The following CYP4F12 variants were observed in gnomAD, a reference collection of about 807,000 sequenced individuals.
CYP4F12 encodes cytochrome P450 family 4 subfamily F member 12, also known as cytochrome P450 4F12.
Under a neutral mutation model 56.5 loss-of-function variants are expected in CYP4F12, and 60 were observed. The observed-to-expected ratio is 1.06, with a 90% CI of 0.86 to 1.32. CYP4F12 has a LOEUF of 1.32. Ranked by LOEUF, CYP4F12 falls within the 40% of genes most tolerant of loss-of-function variation. The pLI is 0.00. For missense variants in CYP4F12, 711 were observed against 683.5 expected (o/e 1.04, Z -0.45); for synonymous variants, 263 against 264.9 (o/e 0.99, Z 0.07).
chr19:15,681,545 CT>C (rs1298740758), intron 5 of CYP4F12: 6 of 152,174 alleles, frequency 3.9e-5, no homozygotes, highest in Admixed American at 3.3e-4. Flanking sequence ...GGGGGTGACA[CT>C]GGTGGGCCTC....
At chr19:15,686,881 C>G (rs2007632976) in intron 9 of CYP4F12, among the ~76,000 whole-genome samples, 1 of 152,142 alleles carries the variant, frequency 6.6e-6, no homozygotes. Context: ...CCCGTCCAAG[C>G]CTTTGCTCAG....
rs540971231 is a variant in CYP4F12, at chr19:15,691,694, GT to G, written c.1116-4232del. Among the ~76,000 whole-genome samples, 1,312 of 138,936 alleles carry G rather than the reference GT, an allele frequency of 9.4e-3. 15 individuals carry two copies. The highest frequency in any genetic ancestry group is 0.03 in the African/African-American group (1,109 of 36,746). 91.1% of individuals were successfully genotyped at this position (138,936 alleles called of 152,430 possible). A position where few individuals can be genotyped will look rare whatever the true frequency, so the allele number is the denominator to read the frequency against. On this transcript the variant is annotated intron_variant, in intron 9 of 12. Coordinates refer to ENST00000550308, the MANE Select transcript of CYP4F12 (RefSeq NM_023944.4). ...TATAAGAATGTGTATCACAATTAAT[GT>G]TTTTTTTTTCTGTTTTTTTGTTGCA...
At chr19:15,694,882 GA>G (rs1419250869) in intron 9 of CYP4F12, among the ~76,000 whole-genome samples, 1 of 152,194 alleles carries the variant, frequency 6.6e-6, no homozygotes, top group African/African-American at 2.4e-5. Flanking sequence ...GGAGAAATAG[GA>G]ACACTTTTAC....
chr19:15,688,760 C>T (rs1351204154), intron 9 of CYP4F12, among the ~76,000 whole-genome samples: 1 of 152,126 alleles, frequency 6.6e-6, no homozygotes. Context: ...TAAAAGTAGG[C>T]ATTTAGATGA....
At chr19:15,673,856 G>T (rs1278850085) in intron 2 of CYP4F12, 129 bp downstream of exon 2, 3 of 870,858 alleles carry the variant, frequency 3.4e-6, no homozygotes, top group Non-Finnish European at 5.2e-6. Flanking sequence ...CAAGAGAGAT[G>T]GCTCACTCAT....
At chr19:15,687,042 C>T (rs2095552947) in intron 9 of CYP4F12, among the ~76,000 whole-genome samples, 1 of 152,156 alleles carries the variant, frequency 6.6e-6, no homozygotes, top group South Asian at 2.1e-4. Flanking sequence ...CTTTGGAAGG[C>T]CGAGGCGGGC....
chr19:15,683,693 TTGA>T lies in CYP4F12; in HGVS notation c.853_855del (p.Asp285del). The T allele has an allele frequency of 6.2e-7, 1 of 1,608,020 alleles. No homozygotes were observed. The highest frequency in any genetic ancestry group is 8.5e-7 in the Non-Finnish European group (1 of 1,177,678). On this transcript the variant is annotated inframe_deletion, in exon 7 of 13. Transcript: ENST00000550308. ...CGTCGCACCCTCCCCACTCAGGGTA[TTGA>T]TGATTTTTTCAAAGACAAAGCCAAG...
chr19:15,680,980 G>A (rs1281105697), intron 5 of CYP4F12: 2 of 277,078 alleles, frequency 7.2e-6, no homozygotes, highest in Admixed American at 1.0e-4. Context: ...CACGTTTGGG[G>A]CTTCAGTACC....
chr19:15,673,218 T>A (rs2006711292), intron 1 of CYP4F12, 83 bp downstream of exon 1: 1 of 520,540 alleles, frequency 1.9e-6, no homozygotes, highest in African/African-American at 2.0e-5. Context: ...GGCTCCAAGA[T>A]GCTGGCATGG....
At chr19:15,696,727 T>C (rs1280066781) in intron 12 of CYP4F12, among the ~76,000 whole-genome samples, 181 bp from the exon 13 acceptor site, 1 of 152,164 alleles carries the variant, frequency 6.6e-6, no homozygotes, top group Non-Finnish European at 1.5e-5. Context: ...AGCTGGGAGC[T>C]GGAGTCAGGC....
At position 15,673,610 on chromosome 19, in the gene CYP4F12, CTCCTGGCTACTCGCCCGCA is replaced by C; in HGVS notation, c.90_108del (p.Leu31GlyfsTer30). 6.2e-7 allele frequency: 1 copy of C among 1,614,120 alleles called. No homozygotes were observed. The highest frequency in any genetic ancestry group is 1.7e-4 in the Middle Eastern group (1 of 6,060). On this transcript the variant is annotated frameshift_variant, in exon 2 of 13. Coordinates refer to ENST00000550308, the MANE Select transcript of CYP4F12 (RefSeq NM_023944.4). LOFTEE classifies it high-confidence loss of function. ...GGCTACTCCTGCTGCTGGTTGTGGG[CTCCTGGCTACTCGCCCGCA>C]TCCTGGCTTGGACCTATGCCTTCTA...
chr19:15,676,376 C>T (rs62106468), intron 2 of CYP4F12, among the ~76,000 whole-genome samples: 30,413 of 39,278 alleles, frequency 0.77, 12,058 homozygotes, highest in East Asian at 0.9. Context: ...CCTCTCCTCA[C>T]TCACTCATTC....
In CYP4F12 at chr19:15,676,180, TG is replaced by T. The variant is rs1475321203; in HGVS notation, c.199-2079del. 5.4e-3 allele frequency among the ~76,000 whole-genome samples: 828 copies of T among 152,106 alleles called. 9 individuals carry two copies. Among genetic ancestry groups the T allele is most frequent in the African/African-American group, 0.018 (763 of 41,484 alleles). ...ATGGGGTCTGGCGTCTCAGGGTGGG[TG>T]GACTTCCAGAGGGGTGGGACTTCCA... On this transcript the variant is annotated intron_variant, in intron 2 of 12. Transcript: ENST00000550308.
At chr19:15,695,827 G>T in intron 9 of CYP4F12, 109 bp from the exon 10 acceptor site, 3 of 1,430,674 alleles carry the variant, frequency 2.1e-6, no homozygotes, top group Non-Finnish European at 2.8e-6. Context: ...TTTGATCCCC[G>T]TGGAGTTTAT....
chr19:15,687,380 T>G (rs912038138), intron 9 of CYP4F12, among the ~76,000 whole-genome samples: 2 of 152,214 alleles, frequency 1.3e-5, no homozygotes, highest in African/African-American at 2.4e-5. Flanking sequence ...TGATGCCCAC[T>G]TTATAAGAAC....
intron 5 of CYP4F12, chr19:15,681,555 T>TTG (rs2007300273): frequency 3.3e-5 from 5 of 152,236 alleles, no homozygotes; most frequent in Admixed American, 3.3e-4. Context: ...CTGGTGGGCC[T>TTG]CTACATTAGC....
intron 9 of CYP4F12, among the ~76,000 whole-genome samples, chr19:15,693,942 G>A (rs1486528676): frequency 6.8e-6 from 1 of 147,558 alleles, no homozygotes; most frequent in Admixed American, 6.7e-5. Flanking sequence ...TTATTAAACA[G>A]GGAATCCTTT....
At chr19:15,695,664 T>C (rs566747388) in intron 9 of CYP4F12, among the ~76,000 whole-genome samples, 68 of 152,314 alleles carry the variant, frequency 4.5e-4, no homozygotes, top group African/African-American at 1.6e-3. Flanking sequence ...ATAGACAATA[T>C]TTATTTTTAT....
chr19:15,696,928 T>C lies in CYP4F12; in HGVS notation c.1418T>C (p.Phe473Ser), dbSNP rs372572916. The change falls in exon 13 of 13, where the codon TTC (phenylalanine) becomes TCC (serine). Residue 473 changes from phenylalanine (F) to serine (S), a missense_variant. Physicochemically the swap from Phe to Ser is radical, Grantham distance 155. Coordinates refer to ENST00000550308, the MANE Select transcript of CYP4F12 (RefSeq NM_023944.4). ...TGCAGGAACTGCATCGGGCAGGCGT[T>C]CGCCATGGCGGAGATGAAAGTGGTC... ...AGPRNCIGQA[F>S]AMAEMKVVLA... 3 of 1,613,614 alleles carry C rather than the reference T, an allele frequency of 1.9e-6. No individual in the cohort carries two copies. In the African/African-American group the frequency reaches 4.0e-5, roughly 22 times the overall value.
Sources: gnomAD v4.1 joint callset for allele counts (sites outside exome capture counted in the v4.1 genomes callset) on GRCh38, gnomAD v4.1.1 for gene constraint, MANE v1.5 for transcripts, NCBI Gene and HGNC (gene_info 2026-07-23, HGNC 2026-07-21) for gene names.